ECHDC1: variants seen among roughly 807,000 people sequenced by gnomAD.
The protein encoded by ECHDC1 is ethylmalonyl-CoA decarboxylase.
In ECHDC1, 29 loss-of-function variants were observed where a neutral mutation model predicts 29.7. That is an observed-to-expected ratio of 0.98 (90% confidence interval 0.73 to 1.33). The LOEUF (loss-of-function observed/expected upper bound fraction) is 1.33. ECHDC1 is among the 40% of genes most tolerant of loss of function. The pLI is 0.00. For missense variants in ECHDC1, 328 were observed against 350.0 expected (o/e 0.94, Z 0.50); for synonymous variants, 126 against 123.1 (o/e 1.02, Z -0.15).
In ECHDC1 at chr6:127,316,430, TA is replaced by T; in HGVS notation, c.416+19del. The T allele has an allele frequency of 6.3e-7, 1 of 1,590,030 alleles. No individual in the cohort carries two copies. The highest frequency in any genetic ancestry group is 8.6e-7 in the Non-Finnish European group (1 of 1,168,958). On this transcript the variant is annotated intron_variant, in intron 4 of 5. Coordinates refer to ENST00000454859, the MANE Select transcript of ECHDC1 (RefSeq NM_001002030.2). Reference sequence around the variant, plus strand: ...TTTTGGTCTTTTAGAAATCATATTTTAAAAAGAAGGCTGCATTACCTCATAA... The same window carrying T: ...TTTTGGTCTTTTAGAAATCATATTTTAAAAGAAGGCTGCATTACCTCATAA...
intron 3 of ECHDC1, among the ~76,000 whole-genome samples, chr6:127,326,120 T>C (rs1015940897): frequency 1.3e-5 from 2 of 152,182 alleles, no homozygotes; most frequent in Non-Finnish European, 2.9e-5. Flanking sequence ...CCAAATCTCA[T>C]GTCAAATTGT....
At chr6:127,304,876 AAAG>A (rs2114586877) in intron 5 of ECHDC1, among the ~76,000 whole-genome samples, 1 of 152,308 alleles carries the variant, frequency 6.6e-6, no homozygotes, top group South Asian at 2.1e-4. Flanking sequence ...AGAGAAGACA[AAAG>A]AAAAAAGATA....
intron 5 of ECHDC1, among the ~76,000 whole-genome samples, chr6:127,293,469 T>C (rs1780354981): frequency 2.0e-5 from 3 of 152,122 alleles, no homozygotes; most frequent in South Asian, 2.1e-4. Flanking sequence ...TATCCACACA[T>C]TGTAAAATAC....
chr6:127,289,728 G>T lies in ECHDC1; in HGVS notation c.*141C>A. The T allele has an allele frequency of 1.2e-6, 1 of 864,696 alleles. No individual in the cohort carries two copies. Among genetic ancestry groups the T allele is most frequent in the Non-Finnish European group, 1.7e-6 (1 of 588,866 alleles). The allele number at this position is 864,696 out of a possible 1,614,324, so 53.6% of individuals were successfully genotyped here. On this transcript the variant is annotated 3_prime_UTR_variant, in exon 6 of 6. Coordinates refer to ENST00000454859, the MANE Select transcript of ECHDC1 (RefSeq NM_001002030.2). The stretch of plus-strand genomic sequence containing the variant: ...GCAAGAAATGAGGTAAATGAGTTCA[G>T]ATATTCAAATGATTAAAAGTAAGTC...
At chr6:127,291,944 A>G (rs1221507617) in intron 5 of ECHDC1, among the ~76,000 whole-genome samples, 1 of 152,134 alleles carries the variant, frequency 6.6e-6, no homozygotes, top group East Asian at 1.9e-4. Context: ...AAAAAGAACA[A>G]GTCTTATAAA....
At chr6:127,326,185 C>A (rs1281505542) in intron 3 of ECHDC1, among the ~76,000 whole-genome samples, 1 of 152,198 alleles carries the variant, frequency 6.6e-6, no homozygotes, top group East Asian at 1.9e-4. Context: ...ACTGGATCAT[C>A]GGGGTGGATT....
At chr6:127,342,274 A>G in intron 1 of ECHDC1, 1 of 1,408,308 alleles carries the variant, frequency 7.1e-7, no homozygotes, top group Non-Finnish European at 9.5e-7. Flanking sequence ...TAAAGATAAT[A>G]TTCTTAAGAC....
Position 127,327,007 on chromosome 6 carries a change from G to C in ECHDC1, c.358C>G (p.Pro120Ala). The change falls in exon 3 of 6, where the codon CCA becomes GCA. Residue 120 changes from proline (P) to alanine (A), a missense_variant. By Grantham distance (27) the Pro-to-Ala change is conservative. Transcript: ENST00000454859. ...DLNAVKSLGT[P>A]EDGMAVCMFM... ...ATAATTCATATAACACTTGCCTCTG[G>C]AGTTCCTAGTGATTTCACAGCATTC... 13 of 1,613,196 alleles carry C rather than the reference G, an allele frequency of 8.1e-6. No homozygotes were observed. Among genetic ancestry groups the C allele is most frequent in the Non-Finnish European group, 1.1e-5 (13 of 1,179,596 alleles).
At chr6:127,303,028 G>T (rs1157356121) in intron 5 of ECHDC1, among the ~76,000 whole-genome samples, 1 of 152,048 alleles carries the variant, frequency 6.6e-6, no homozygotes, top group Non-Finnish European at 1.5e-5. Context: ...TAGGATTTCT[G>T]TAAACGGTCT....
At chr6:127,297,138 A>G (rs1780674798) in intron 5 of ECHDC1, among the ~76,000 whole-genome samples, 1 of 152,242 alleles carries the variant, frequency 6.6e-6, no homozygotes, top group African/African-American at 2.4e-5. Context: ...AGTGAAACAG[A>G]CTAGAGGGAA....
chr6:127,342,344 C>G (rs769463805), intron 1 of ECHDC1: 1 of 1,544,698 alleles, frequency 6.5e-7, no homozygotes, highest in Non-Finnish European at 8.7e-7. Context: ...GTTTATAATC[C>G]TCACAACTCA....
chr6:127,320,786 C>T (rs1782769575), intron 3 of ECHDC1, among the ~76,000 whole-genome samples: 1 of 151,936 alleles, frequency 6.6e-6, no homozygotes, highest in Admixed American at 6.5e-5. Flanking sequence ...TGGCCTCTAC[C>T]ATCTGAACCA....
chr6:127,290,199 C>G lies in ECHDC1; in HGVS notation c.576G>C (p.Arg192=), dbSNP rs1238899025. The G allele has an allele frequency of 1.2e-6, 2 of 1,613,618 alleles. No homozygotes were observed. Among genetic ancestry groups the G allele is most frequent in the East Asian group, 2.2e-5 (1 of 44,852 alleles). ...GIIPSWGGTT[R]LVEIIGSRQA... is the part of the protein sequence containing the mutation. The stretch of plus-strand genomic sequence containing the variant: ...GTCTACTTCCGATTATTTCAACTAG[C>G]CGGGTGGTGCCACCCCAGCTTGGTA... The change falls in exon 6 of 6, where the codon CGG becomes CGC. Residue 192 remains arginine (R), a synonymous_variant. Transcript: ENST00000454859.
intron 5 of ECHDC1, among the ~76,000 whole-genome samples, chr6:127,295,200 C>T (rs981409009): frequency 6.6e-5 from 10 of 152,100 alleles, no homozygotes; most frequent in African/African-American, 9.7e-5. Flanking sequence ...CCACCCACTT[C>T]GGCCTCCCAA....
At chr6:127,297,164 T>G (rs1326027579) in intron 5 of ECHDC1, among the ~76,000 whole-genome samples, 1 of 152,218 alleles carries the variant, frequency 6.6e-6, no homozygotes, top group Non-Finnish European at 1.5e-5. Context: ...GACTTGTCTA[T>G]CTCTTATGGA....
At chr6:127,340,580 C>T (rs1002322843) in intron 1 of ECHDC1, among the ~76,000 whole-genome samples, 3 of 152,138 alleles carry the variant, frequency 2.0e-5, no homozygotes, top group African/African-American at 7.2e-5. Flanking sequence ...ACATAGCATG[C>T]CTAGGGTCTT....
chr6:127,309,466 AAAAC>A (rs777012442), intron 5 of ECHDC1, among the ~76,000 whole-genome samples: 1,763 of 149,690 alleles, frequency 0.012, 30 homozygotes, highest in Non-Finnish European at 0.019. Flanking sequence ...AAAAACCCAG[AAAAC>A]AAACAACAAA....
intron 2 of ECHDC1, among the ~76,000 whole-genome samples, chr6:127,328,137 G>A (rs1321861464): frequency 5.3e-5 from 8 of 152,240 alleles, no homozygotes; most frequent in Non-Finnish European, 1.0e-4. Flanking sequence ...GAAGTAGCCA[G>A]GAGTGAGGTG....
chr6:127,342,254 T>C (rs1053327507), intron 1 of ECHDC1: 49 of 1,254,024 alleles, frequency 3.9e-5, no homozygotes, highest in Non-Finnish European at 5.0e-5. Flanking sequence ...AAGAGGGCAT[T>C]TGCAGTGCCT....
Sources: allele counts gnomAD v4.1 joint callset (sites outside exome capture counted in the v4.1 genomes callset), GRCh38; gene constraint gnomAD v4.1.1; transcripts MANE v1.5; gene names NCBI Gene and HGNC (gene_info 2026-07-23, HGNC 2026-07-21).